The following CMSS1 variants were observed in gnomAD, a reference collection of about 807,000 sequenced individuals.
CMSS1 encodes the protein protein CMSS1.
A neutral mutation model predicts 43.5 loss-of-function variants in CMSS1; 33 were observed. The observed-to-expected ratio is 0.76, with a 90% CI of 0.57 to 1.01. The LOEUF is 1.01. Ranked by LOEUF, CMSS1 falls within the 50% of genes least tolerant of loss-of-function variation. The pLI, the probability that CMSS1 is intolerant of heterozygous loss-of-function variation, is 0.00. For missense variants in CMSS1, 313 were observed against 326.4 expected, an observed-to-expected ratio of 0.96 and a Z score of 0.32; for synonymous variants, 115 against 117.2, an observed-to-expected ratio of 0.98 and a Z score of 0.12.
At chr3:100,024,108 G>A (rs918860799) in intron 1 of CMSS1, among the ~76,000 whole-genome samples, 1 of 152,028 alleles carries the variant, frequency 6.6e-6, no homozygotes, top group Non-Finnish European at 1.5e-5. Context: ...TCCACACTCC[G>A]TCTTCAGCTC....
intron 1 of CMSS1, chr3:99,848,156 T>C (rs1419312590): frequency 1.3e-6 from 2 of 1,526,878 alleles, no homozygotes; most frequent in Non-Finnish European, 1.8e-6. Context: ...GTATAGTTCA[T>C]GCACAAACCT....
intron 1 of CMSS1, among the ~76,000 whole-genome samples, chr3:99,832,661 G>T (rs1359072401): frequency 1.4e-5 from 2 of 147,648 alleles, no homozygotes; most frequent in East Asian, 4.1e-4. Context: ...TGGCCAACAC[G>T]GTGAAACCCT....
At chr3:100,040,389 A>T (rs147865430) in intron 1 of CMSS1, 1 of 152,236 alleles carries the variant, frequency 6.6e-6, no homozygotes, top group African/African-American at 2.4e-5. Context: ...TCATTTGTAT[A>T]GTTCCAGATA....
At chr3:99,950,063 A>T (rs1708130373) in intron 1 of CMSS1, among the ~76,000 whole-genome samples, 1 of 152,216 alleles carries the variant, frequency 6.6e-6, no homozygotes, top group Admixed American at 6.5e-5. Context: ...ATTGGGGACA[A>T]GGTCATTTTA....
chr3:99,880,964 T>C (rs767094668), intron 1 of CMSS1, among the ~76,000 whole-genome samples: 41 of 152,230 alleles, frequency 2.7e-4, no homozygotes, highest in Non-Finnish European at 5.4e-4. Flanking sequence ...CTGTAGACAT[T>C]GGGCTATTTA....
At chr3:100,170,714 G>C (rs2067103031) in intron 6 of CMSS1, among the ~76,000 whole-genome samples, 1 of 152,224 alleles carries the variant, frequency 6.6e-6, no homozygotes, top group Non-Finnish European at 1.5e-5. Flanking sequence ...TGATGCCAAA[G>C]TAGAGGTAGA....
chr3:99,880,823 T>A (rs981210663), intron 1 of CMSS1, among the ~76,000 whole-genome samples: 2 of 152,338 alleles, frequency 1.3e-5, no homozygotes, highest in African/African-American at 4.8e-5. Flanking sequence ...TTTCTTTTAG[T>A]CTTTTTCTAA....
intron 1 of CMSS1, among the ~76,000 whole-genome samples, chr3:99,924,668 G>T (rs889153302): frequency 2.0e-5 from 3 of 152,098 alleles, no homozygotes; most frequent in African/African-American, 7.2e-5. Flanking sequence ...ACAGGCATGC[G>T]CCACCATGCC....
At chr3:99,818,747 T>A (rs1346556835) in intron 1 of CMSS1, among the ~76,000 whole-genome samples, 2 of 152,286 alleles carry the variant, frequency 1.3e-5, no homozygotes, top group South Asian at 2.1e-4. Flanking sequence ...CAAAGCTAGC[T>A]CCTTTCAGAA....
intron 1 of CMSS1, among the ~76,000 whole-genome samples, chr3:99,892,819 T>G (rs1706127893): frequency 6.6e-6 from 1 of 152,240 alleles, no homozygotes; most frequent in Admixed American, 6.5e-5. Flanking sequence ...TCAATCAGAT[T>G]TTATCCTTGA....
At chr3:100,157,913 C>T (rs2066990377) in intron 2 of CMSS1, among the ~76,000 whole-genome samples, 2 of 152,164 alleles carry the variant, frequency 1.3e-5, no homozygotes, top group South Asian at 4.1e-4. Context: ...CTTTGTGCCT[C>T]CAAAGTACTG....
At chr3:100,152,466 A>C (rs191881190) in intron 2 of CMSS1, among the ~76,000 whole-genome samples, 2 of 152,276 alleles carry the variant, frequency 1.3e-5, no homozygotes, top group East Asian at 3.9e-4. Context: ...CTGAGAGAAT[A>C]TGAGGCAATA....
At chr3:99,922,824 C>T (rs987247127) in intron 1 of CMSS1, among the ~76,000 whole-genome samples, 2 of 152,178 alleles carry the variant, frequency 1.3e-5, no homozygotes, top group East Asian at 1.9e-4. Flanking sequence ...TTTGCAGCCA[C>T]GCTTCTCAAA....
intron 1 of CMSS1, among the ~76,000 whole-genome samples, chr3:99,944,181 A>G (rs1308641337): frequency 2.0e-5 from 3 of 152,234 alleles, no homozygotes; most frequent in Non-Finnish European, 2.9e-5. Context: ...GTGCTAAACA[A>G]GTATTTTAAG....
At chr3:100,146,840 T>C (rs2066855468) in intron 1 of CMSS1, 133 bp from the exon 2 acceptor site, 7 of 1,157,056 alleles carry the variant, frequency 6.0e-6, no homozygotes, top group African/African-American at 1.6e-5. Context: ...CTTTGGACCA[T>C]TTCCTTAAGT....
At chr3:100,054,356 A>G (rs2065424401) in intron 1 of CMSS1, among the ~76,000 whole-genome samples, 2 of 152,172 alleles carry the variant, frequency 1.3e-5, no homozygotes, top group South Asian at 4.1e-4. Flanking sequence ...GAAAGCTCAG[A>G]TCTGGAAAAC....
At chr3:99,916,334 G>A (rs1706948713) in intron 1 of CMSS1, among the ~76,000 whole-genome samples, 1 of 152,022 alleles carries the variant, frequency 6.6e-6, no homozygotes, top group South Asian at 2.1e-4. Context: ...AGGTCTTTCG[G>A]CTACATGACT....
intron 1 of CMSS1, among the ~76,000 whole-genome samples, chr3:100,064,031 C>A (rs1359530751): frequency 6.6e-6 from 1 of 152,168 alleles, no homozygotes; most frequent in African/African-American, 2.4e-5. Context: ...TCTCAAACCT[C>A]GGACCTCTAG....
intron 1 of CMSS1, among the ~76,000 whole-genome samples, chr3:100,029,988 T>G (rs1343775305): frequency 6.6e-6 from 1 of 152,168 alleles, no homozygotes; most frequent in African/African-American, 2.4e-5. Flanking sequence ...CACAGCTGTT[T>G]GTAACTTTCT....
Sources: gnomAD v4.1 joint callset for allele counts (sites outside exome capture counted in the v4.1 genomes callset) on GRCh38, gnomAD v4.1.1 for gene constraint, MANE v1.5 for transcripts, NCBI Gene and HGNC (gene_info 2026-07-23, HGNC 2026-07-21) for gene names.